CBFA2T2: variants seen among roughly 807,000 people sequenced by gnomAD.
The protein encoded by CBFA2T2 is CBFA2/RUNX1 partner transcriptional co-repressor 2, also known as protein CBFA2T2.
Under a neutral mutation model 62.2 loss-of-function variants are expected in CBFA2T2, and 11 were observed. The observed-to-expected ratio is 0.18, with a 90% confidence interval of 0.11 to 0.29. The LOEUF is 0.29. Ranked by LOEUF, CBFA2T2 falls within the 10% of genes least tolerant of loss-of-function variation. The pLI, the probability that CBFA2T2 is intolerant of heterozygous loss-of-function variation, is 1.00. For synonymous variants in CBFA2T2, 295 were observed against 287.5 expected, an observed-to-expected ratio of 1.03 and a Z score of -0.27; for missense variants, 592 against 774.1, an observed-to-expected ratio of 0.76 and a Z score of 2.79.
At chr20:33,627,820 T>C (rs927352280) in intron 6 of CBFA2T2, among the ~76,000 whole-genome samples, 1 of 152,202 alleles carries the variant, frequency 6.6e-6, no homozygotes, top group Non-Finnish European at 1.5e-5. Context: ...TGACTTAGGT[T>C]TAAAATAGTA....
intron 1 of CBFA2T2, among the ~76,000 whole-genome samples, chr20:33,565,780 G>A (rs375988422): frequency 2.0e-5 from 3 of 152,288 alleles, no homozygotes; most frequent in Admixed American, 6.5e-5. Context: ...TTCCAGTAAT[G>A]ACCCAAGCAT....
intron 1 of CBFA2T2, among the ~76,000 whole-genome samples, chr20:33,584,504 G>A (rs1399094068): frequency 2.0e-5 from 3 of 151,882 alleles, no homozygotes; most frequent in South Asian, 2.1e-4. Context: ...TGAACTGCCC[G>A]TCTCGGCCTC....
At chr20:33,531,933 C>T (rs2012073021) in intron 1 of CBFA2T2, among the ~76,000 whole-genome samples, 1 of 152,204 alleles carries the variant, frequency 6.6e-6, no homozygotes, top group African/African-American at 2.4e-5. Context: ...AGGGTTTAAT[C>T]ATATCTTCAC....
intron 1 of CBFA2T2, among the ~76,000 whole-genome samples, chr20:33,576,089 A>G (rs2013813934): frequency 6.6e-6 from 1 of 152,078 alleles, no homozygotes; most frequent in Admixed American, 6.6e-5. Context: ...GCCTGGCCTA[A>G]GAGGTGTTTA....
chr20:33,520,093 C>T (rs1325309961), intron 1 of CBFA2T2, among the ~76,000 whole-genome samples: 2 of 151,822 alleles, frequency 1.3e-5, no homozygotes, highest in Admixed American at 6.6e-5. Context: ...TGTGGTGAGC[C>T]GAGATCACGC....
intron 1 of CBFA2T2, among the ~76,000 whole-genome samples, chr20:33,516,902 T>C (rs2011608635): frequency 6.6e-6 from 1 of 152,252 alleles, no homozygotes; most frequent in Non-Finnish European, 1.5e-5. Context: ...ATCTCTTCTG[T>C]TGTTTTAAGT....
intron 1 of CBFA2T2, among the ~76,000 whole-genome samples, chr20:33,590,202 T>C (rs1288428534): frequency 1.3e-5 from 2 of 151,624 alleles, no homozygotes; most frequent in African/African-American, 4.9e-5. Context: ...GCCTAGGTTA[T>C]GTGACTGCTC....
rs1487966752 is a variant in CBFA2T2, at chr20:33,649,858, C to G, written c.*5212C>G. 1 of 152,662 alleles carries G rather than the reference C, an allele frequency of 6.6e-6. No homozygotes were observed. The highest frequency in any genetic ancestry group is 2.4e-5 in the African/African-American group (1 of 41,446). The allele number at this position is 152,662 out of a possible 1,614,324, so 9.5% of individuals were successfully genotyped here. On this transcript the variant is annotated 3_prime_UTR_variant, in exon 11 of 11. Coordinates refer to ENST00000342704, the MANE Select transcript of CBFA2T2 (RefSeq NM_001032999.3). ...GGGATGATGAATGTGACACCACCCA[C>G]AGAATGCATTAGAATCTGGTTTTTC...
At chr20:33,543,366 G>A (rs2012456765) in intron 1 of CBFA2T2, among the ~76,000 whole-genome samples, 1 of 152,180 alleles carries the variant, frequency 6.6e-6, no homozygotes, top group Admixed American at 6.5e-5. Context: ...GGGAAAACCA[G>A]AATAAGTAGA....
intron 1 of CBFA2T2, among the ~76,000 whole-genome samples, chr20:33,517,519 G>A (rs2011623402): frequency 7.0e-6 from 1 of 141,998 alleles, no homozygotes; most frequent in Non-Finnish European, 1.5e-5. Context: ...GTGTGATCTT[G>A]GCTCACTGCA....
At chr20:33,499,948 A>AGG (rs1248414794) in intron 1 of CBFA2T2, among the ~76,000 whole-genome samples, 2 of 152,050 alleles carry the variant, frequency 1.3e-5, no homozygotes, top group Non-Finnish European at 2.9e-5. Flanking sequence ...TTGAGTGTCC[A>AGG]AACACCCATT....
intron 1 of CBFA2T2, among the ~76,000 whole-genome samples, chr20:33,547,021 T>C (rs1168637459): frequency 1.3e-5 from 2 of 151,310 alleles, no homozygotes; most frequent in African/African-American, 4.9e-5. Context: ...ACCAGCATGG[T>C]GAAGCCCCAA....
At chr20:33,494,754 A>G (rs1264913944) in intron 1 of CBFA2T2, among the ~76,000 whole-genome samples, 2 of 151,338 alleles carry the variant, frequency 1.3e-5, no homozygotes, top group Non-Finnish European at 2.9e-5. Context: ...ATGCACCACC[A>G]CACCCAGCTA....
intron 1 of CBFA2T2, among the ~76,000 whole-genome samples, chr20:33,584,492 C>T (rs1731723418): frequency 6.7e-6 from 1 of 149,112 alleles, no homozygotes; most frequent in Non-Finnish European, 1.5e-5. Context: ...CTCCTGACCT[C>T]CTGAACTGCC....
rs2011512838 is a variant in CBFA2T2, at chr20:33,511,575, A to G, written c.34+21274A>G. On this transcript the variant is annotated intron_variant, in intron 1 of 10. Transcript: ENST00000342704. ...TTTATGTAAAGAGAAAAGTAACAGA[A>G]AAAAGGCTGTCTTCCAAAAGGATTA... Among the ~76,000 whole-genome samples, 3 of 150,548 alleles carry G rather than the reference A, an allele frequency of 2.0e-5. 1 individual carries two copies. Among genetic ancestry groups the G allele is most frequent in the Non-Finnish European group, 4.4e-5 (3 of 68,040 alleles).
chr20:33,559,374 A>G (rs6120302), intron 1 of CBFA2T2, among the ~76,000 whole-genome samples: 2,268 of 152,016 alleles, frequency 0.015, 45 homozygotes, highest in African/African-American at 0.052. Flanking sequence ...GAGTTTCACT[A>G]TCTTGGCCAG....
chr20:33,496,975 C>T (rs959613338), intron 1 of CBFA2T2, among the ~76,000 whole-genome samples: 1 of 152,064 alleles, frequency 6.6e-6, no homozygotes, highest in Non-Finnish European at 1.5e-5. Context: ...CACTGCTTCT[C>T]TAAATGTGGT....
At chr20:33,617,139 G>A (rs947307065) in intron 3 of CBFA2T2, among the ~76,000 whole-genome samples, 23 of 152,122 alleles carry the variant, frequency 1.5e-4, no homozygotes, top group African/African-American at 5.6e-4. Context: ...GGGAGGCCAA[G>A]GTGGGCGGAT....
rs60988030 is a variant in CBFA2T2, at chr20:33,547,687, A to ATGTGTGTGTG, written c.34+57420_34+57429dup. The stretch of plus-strand genomic sequence containing the variant: ...CAGAGCGAGACCCTGTCTCAAAAAA[A>ATGTGTGTGTG]TGTGTGTGTGTGTGTGTGTGTGTGT... On this transcript the variant is annotated intron_variant, in intron 1 of 10. Coordinates refer to ENST00000342704, the MANE Select transcript of CBFA2T2 (RefSeq NM_001032999.3). Among the ~76,000 whole-genome samples, 511 of 139,160 alleles carry ATGTGTGTGTG rather than the reference A, an allele frequency of 3.7e-3. 1 individual carries two copies. Among genetic ancestry groups the ATGTGTGTGTG allele is most frequent in the South Asian group, 4.4e-3 (18 of 4,100 alleles). 91.3% of individuals were successfully genotyped at this position (139,160 alleles called of 152,430 possible). A position where few individuals can be genotyped will look rare whatever the true frequency, so the allele number is the denominator to read the frequency against.
Sources: allele counts gnomAD v4.1 joint callset (sites outside exome capture counted in the v4.1 genomes callset), GRCh38; gene constraint gnomAD v4.1.1; transcripts MANE v1.5; gene names NCBI Gene and HGNC (gene_info 2026-07-23, HGNC 2026-07-21).